Variants in OCIAD1 observed in about 807,000 individuals in gnomAD.
The protein encoded by OCIAD1 is OCIA domain-containing protein 1.
In OCIAD1, 29 loss-of-function variants were observed where a neutral mutation model predicts 38.9. The ratio of observed to expected loss-of-function variants is 0.74; its 90% CI spans 0.55 to 1.02. The LOEUF (loss-of-function observed/expected upper bound fraction) is 1.02, where lower values mean the gene tolerates loss of function less well. Ranked by LOEUF, OCIAD1 falls within the 50% of genes least tolerant of loss-of-function variation. The pLI is 0.00. For missense variants in OCIAD1, 288 were observed against 289.6 expected (o/e 0.99, Z 0.04); for synonymous variants, 110 against 92.0 (o/e 1.20, Z -1.12).
At chr4:48,842,152 A>G (rs546644622) in intron 3 of OCIAD1, among the ~76,000 whole-genome samples, 2 of 152,312 alleles carry the variant, frequency 1.3e-5, no homozygotes, top group South Asian at 2.1e-4. Context: ...GGTGGTAATA[A>G]CATTATCTAC....
intron 1 of OCIAD1, among the ~76,000 whole-genome samples, chr4:48,821,376 A>C (rs1158320026): frequency 5.3e-5 from 8 of 152,196 alleles, no homozygotes. Context: ...ACTCTCAATA[A>C]ACTAGGTGTG....
chr4:48,826,153 C>CT (rs943339094), upstream of OCIAD1, among the ~76,000 whole-genome samples: 30 of 149,750 alleles, frequency 2.0e-4, no homozygotes, highest in African/African-American at 4.4e-4. Context: ...CCTATATTTT[C>CT]TTTTTTTTTT....
chr4:48,848,595 T>C, intron 5 of OCIAD1, 149 bp downstream of exon 5: 1 of 419,540 alleles, frequency 2.4e-6, no homozygotes, highest in South Asian at 6.4e-5. Flanking sequence ...ATTAAGTGGA[T>C]TACTTGGATA....
upstream of OCIAD1, among the ~76,000 whole-genome samples, chr4:48,829,430 C>T (rs1406791840): frequency 3.3e-5 from 5 of 152,146 alleles, no homozygotes; most frequent in Non-Finnish European, 5.9e-5. Flanking sequence ...TTGTTGGCTT[C>T]ATATGATCAT....
At chr4:48,807,526 T>A (rs1215352987) in intron 1 of OCIAD1, among the ~76,000 whole-genome samples, 3 of 152,188 alleles carry the variant, frequency 2.0e-5, no homozygotes, top group Admixed American at 6.5e-5. Context: ...TCTAAAGTGT[T>A]TAGAACAGTA....
chr4:48,810,468 CAAAAAAAAAAAA>C (rs749988114), intron 1 of OCIAD1, among the ~76,000 whole-genome samples: 4 of 42,326 alleles, frequency 9.5e-5, no homozygotes, highest in African/African-American at 2.7e-4. Flanking sequence ...GACTCCATCT[CAAAAAAAAAAAA>C]AAAAAAAAAA....
chr4:48,842,211 G>A (rs538564994), intron 3 of OCIAD1, among the ~76,000 whole-genome samples: 1 of 152,166 alleles, frequency 6.6e-6, no homozygotes, highest in Non-Finnish European at 1.5e-5. Context: ...ATGCACATAA[G>A]GCGCTTAGCA....
At chr4:48,857,915 A>G (rs1436622989) in intron 8 of OCIAD1, among the ~76,000 whole-genome samples, 1 of 152,144 alleles carries the variant, frequency 6.6e-6, no homozygotes, top group Non-Finnish European at 1.5e-5. Context: ...GCACTTTGGG[A>G]GACCAAGCTG....
At chr4:48,829,957 C>T (rs991405241), upstream of OCIAD1, among the ~76,000 whole-genome samples, 2 of 152,166 alleles carry the variant, frequency 1.3e-5, no homozygotes, top group African/African-American at 4.8e-5. Context: ...GATTACTTCT[C>T]TGGGGTGTAT....
chr4:48,810,265 C>T (rs1294374328), intron 1 of OCIAD1, among the ~76,000 whole-genome samples: 8 of 151,444 alleles, frequency 5.3e-5, no homozygotes, highest in Non-Finnish European at 7.4e-5. Flanking sequence ...GTCAGGAGAT[C>T]GAAACCATCC....
rs1231790638 is a variant in OCIAD1, at chr4:48,861,146, G to A, written c.*384G>A. Reference sequence around the variant, plus strand: ...TGGGGGGAGCAAGCATAATTTTTAAGTGTGAAGCTTTGCATCAAGAAATTA... The same window carrying A: ...TGGGGGGAGCAAGCATAATTTTTAAATGTGAAGCTTTGCATCAAGAAATTA... On this transcript the variant is annotated 3_prime_UTR_variant, in exon 9 of 9. Transcript: ENST00000264312. 5.7e-6 allele frequency: 1 copy of A among 174,774 alleles called. No individual in the cohort carries two copies. Among genetic ancestry groups the A allele is most frequent in the Non-Finnish European group, 1.2e-5 (1 of 83,446 alleles). 10.8% of individuals were successfully genotyped at this position (174,774 alleles called of 1,614,324 possible).
intron 1 of OCIAD1, among the ~76,000 whole-genome samples, chr4:48,810,010 C>G (rs959359810): frequency 3.9e-5 from 6 of 152,078 alleles, no homozygotes; most frequent in Non-Finnish European, 8.8e-5. Flanking sequence ...CTTTGGTCCC[C>G]TTGTTTGTAA....
At chr4:48,813,470 A>G (rs1188073482) in intron 1 of OCIAD1, among the ~76,000 whole-genome samples, 1 of 152,198 alleles carries the variant, frequency 6.6e-6, no homozygotes, top group Admixed American at 6.5e-5. Context: ...CCTGGGCAAC[A>G]TGGTGATATC....
At chr4:48,814,464 T>C (rs527759304) in intron 1 of OCIAD1, among the ~76,000 whole-genome samples, 3 of 151,878 alleles carry the variant, frequency 2.0e-5, no homozygotes, top group Non-Finnish European at 4.4e-5. Flanking sequence ...TTGAATGCAA[T>C]ACTCAGAATA....
At chr4:48,835,058 T>G (rs1777861684) in intron 3 of OCIAD1, among the ~76,000 whole-genome samples, 1 of 152,174 alleles carries the variant, frequency 6.6e-6, no homozygotes, top group South Asian at 2.1e-4. Flanking sequence ...CACAGTGTCC[T>G]GAGTATCTGG....
At chr4:48,836,261 CTT>C (rs1777979217) in intron 3 of OCIAD1, among the ~76,000 whole-genome samples, 2 of 151,966 alleles carry the variant, frequency 1.3e-5, no homozygotes, top group Admixed American at 1.3e-4. Context: ...CAACGAAAGA[CTT>C]TTTAAAGGAC....
intron 1 of OCIAD1, among the ~76,000 whole-genome samples, chr4:48,823,216 A>C (rs931394696): frequency 1.3e-5 from 2 of 152,226 alleles, no homozygotes; most frequent in Admixed American, 1.3e-4. Context: ...AGCCATAAAA[A>C]AGAAAGAGTT....
intron 1 of OCIAD1, among the ~76,000 whole-genome samples, chr4:48,824,001 C>T (rs1383481438): frequency 7.2e-6 from 1 of 138,056 alleles, no homozygotes; most frequent in East Asian, 2.2e-4. Context: ...GTTTTTAAGA[C>T]AGGGCCTCAC....
At chr4:48,837,671 G>C (rs1419639015) in intron 3 of OCIAD1, among the ~76,000 whole-genome samples, 1 of 138,198 alleles carries the variant, frequency 7.2e-6, no homozygotes, top group Non-Finnish European at 1.5e-5. Context: ...TTAAATCTTT[G>C]AAGATTATAT....
Sources: gnomAD v4.1 joint callset for allele counts (sites outside exome capture counted in the v4.1 genomes callset) on GRCh38, gnomAD v4.1.1 for gene constraint, MANE v1.5 for transcripts, NCBI Gene and HGNC (gene_info 2026-07-23, HGNC 2026-07-21) for gene names.